The following PTPRD variants were observed in gnomAD, a reference collection of about 807,000 sequenced individuals.
PTPRD encodes the protein receptor-type tyrosine-protein phosphatase delta.
A neutral mutation model predicts 214.5 loss-of-function variants in PTPRD; 34 were observed. That is an observed-to-expected ratio of 0.16 (90% CI 0.12 to 0.21). The LOEUF is 0.21. Ranked by LOEUF, PTPRD falls within the 10% of genes least tolerant of loss-of-function variation. The pLI is 1.00. For synonymous variants in PTPRD, 1,128 were observed against 845.7 expected (o/e 1.33, Z -5.79); for missense variants, 2,545 against 2,398.7 (o/e 1.06, Z -1.27).
chr9:10,164,009 C>A (rs983306184), intron 3 of PTPRD, among the ~76,000 whole-genome samples: 6 of 151,298 alleles, frequency 4.0e-5, no homozygotes, highest in African/African-American at 1.5e-4. Flanking sequence ...CACACCTAGA[C>A]CCAGAATTCA....
chr9:9,519,200 T>C (rs1386902096), intron 8 of PTPRD, among the ~76,000 whole-genome samples: 1 of 151,926 alleles, frequency 6.6e-6, no homozygotes, highest in African/African-American at 2.4e-5. Context: ...TACAGTTAAA[T>C]TATGTTCATT....
At chr9:9,599,776 A>G (rs1380840446) in intron 7 of PTPRD, among the ~76,000 whole-genome samples, 1 of 152,026 alleles carries the variant, frequency 6.6e-6, no homozygotes, top group Non-Finnish European at 1.5e-5. Context: ...CACAAGCTTA[A>G]AAATAAAATA....
intron 8 of PTPRD, among the ~76,000 whole-genome samples, chr9:9,430,037 G>C (rs570540441): frequency 2.0e-4 from 31 of 152,268 alleles, no homozygotes; most frequent in African/African-American, 7.0e-4. Flanking sequence ...ACATAGTGTT[G>C]GAAGTTCTGG....
chr9:9,534,907 G>T (rs1488912802), intron 8 of PTPRD, among the ~76,000 whole-genome samples: 1 of 151,984 alleles, frequency 6.6e-6, no homozygotes, highest in African/African-American at 2.4e-5. Flanking sequence ...TATTCAGTGC[G>T]TATCTGCTGT....
At chr9:8,769,174 GATTT>G (rs1239424782) in intron 11 of PTPRD, among the ~76,000 whole-genome samples, 1 of 152,116 alleles carries the variant, frequency 6.6e-6, no homozygotes, top group Non-Finnish European at 1.5e-5. Context: ...AAAGATAAAT[GATTT>G]ATGTTATAAT....
intron 8 of PTPRD, among the ~76,000 whole-genome samples, chr9:9,404,904 A>C (rs549860746): frequency 2.6e-5 from 4 of 152,194 alleles, no homozygotes; most frequent in Non-Finnish European, 1.5e-5. Context: ...GTCTTTTCCA[A>C]GTCCCTACTT....
chr9:9,285,888 A>G (rs913214588), intron 9 of PTPRD, among the ~76,000 whole-genome samples: 6 of 151,660 alleles, frequency 4.0e-5, no homozygotes, highest in Admixed American at 2.6e-4. Flanking sequence ...ATCTATATCT[A>G]TATCTATATA....
At chr9:8,771,039 G>C (rs1182572933) in intron 11 of PTPRD, among the ~76,000 whole-genome samples, 5 of 151,906 alleles carry the variant, frequency 3.3e-5, no homozygotes, top group Non-Finnish European at 1.5e-5. Flanking sequence ...AAATTAGCCG[G>C]GCGTGGTGGC....
intron 11 of PTPRD, among the ~76,000 whole-genome samples, chr9:8,957,968 G>A (rs1245866987): frequency 8.4e-5 from 1 of 11,908 alleles, no homozygotes; most frequent in Non-Finnish European, 4.6e-3. Context: ...ATCTTCAGAA[G>A]ATCACAAAGA....
chr9:9,917,302 G>GAAAAAAA (rs140708788), intron 5 of PTPRD, among the ~76,000 whole-genome samples: 12 of 21,206 alleles, frequency 5.7e-4, no homozygotes, highest in South Asian at 2.9e-3. Flanking sequence ...TAGCTAGACT[G>GAAAAAAA]AAAAAAAAAA....
intron 9 of PTPRD, among the ~76,000 whole-genome samples, chr9:9,389,391 T>A (rs1233121847): frequency 6.6e-6 from 1 of 152,036 alleles, no homozygotes. Flanking sequence ...ATGCCTGTAA[T>A]CCCAGCTACT....
chr9:9,506,801 T>A (rs1739677261), intron 8 of PTPRD, among the ~76,000 whole-genome samples: 1 of 151,294 alleles, frequency 6.6e-6, no homozygotes, highest in Non-Finnish European at 1.5e-5. Flanking sequence ...TAAAGGTATT[T>A]CTTAGTTGAG....
At chr9:9,686,079 A>T (rs1054063634) in intron 7 of PTPRD, among the ~76,000 whole-genome samples, 1 of 151,386 alleles carries the variant, frequency 6.6e-6, no homozygotes, top group Admixed American at 6.6e-5. Flanking sequence ...ATTAAGTTAT[A>T]TTTTGGGAAG....
At chr9:9,520,997 G>A (rs1761066474) in intron 8 of PTPRD, among the ~76,000 whole-genome samples, 1 of 152,122 alleles carries the variant, frequency 6.6e-6, no homozygotes, top group African/African-American at 2.4e-5. Flanking sequence ...ATCAGATGGG[G>A]TACTGAAATC....
Position 10,090,741 on chromosome 9 carries a change from T to A in PTPRD, c.-544-56951A>T, listed in dbSNP as rs543571150. Among the ~76,000 whole-genome samples the A allele has an allele frequency of 9.7e-4, 141 of 145,386 alleles. 1 individual carries two copies. The highest frequency in any genetic ancestry group is 3.5e-3 in the African/African-American group (137 of 39,290). Reference sequence around the variant, plus strand: ...GTTGAATCTAGTATGCAAACTTATTTACATGTTAACTCAGAAATAGAATAG... The same window carrying A: ...GTTGAATCTAGTATGCAAACTTATTAACATGTTAACTCAGAAATAGAATAG... On this transcript the variant is annotated intron_variant, in intron 3 of 45. Coordinates refer to ENST00000381196, the MANE Select transcript of PTPRD (RefSeq NM_002839.4).
chr9:9,080,264 G>T (rs570567749), intron 10 of PTPRD, among the ~76,000 whole-genome samples: 1 of 151,964 alleles, frequency 6.6e-6, no homozygotes, highest in African/African-American at 2.4e-5. Flanking sequence ...TGATTCCAAA[G>T]ACTTTTTCTC....
intron 5 of PTPRD, among the ~76,000 whole-genome samples, chr9:9,905,293 T>G (rs2077288091): frequency 6.6e-6 from 1 of 152,012 alleles, no homozygotes; most frequent in Non-Finnish European, 1.5e-5. Flanking sequence ...TCAGGGTTCT[T>G]TTTTTAATCA....
chr9:9,785,419 G>T (rs773556576), intron 5 of PTPRD, among the ~76,000 whole-genome samples: 5 of 152,008 alleles, frequency 3.3e-5, no homozygotes, highest in Non-Finnish European at 5.9e-5. Context: ...TCATTATCAT[G>T]TACCTTGATA....
chr9:9,380,133 T>C (rs950311310), intron 9 of PTPRD, among the ~76,000 whole-genome samples: 1 of 152,076 alleles, frequency 6.6e-6, no homozygotes. Flanking sequence ...AAGTTAGCTG[T>C]AGGTTATTTG....
Sources: gnomAD v4.1 joint callset for allele counts (sites outside exome capture counted in the v4.1 genomes callset) on GRCh38, gnomAD v4.1.1 for gene constraint, MANE v1.5 for transcripts, NCBI Gene and HGNC (gene_info 2026-07-23, HGNC 2026-07-21) for gene names.